The following WDR12 variants were observed in gnomAD, a reference collection of about 807,000 sequenced individuals.
The protein encoded by WDR12 is ribosome biogenesis protein WDR12.
Under a neutral mutation model 64.3 loss-of-function variants are expected in WDR12, and 42 were observed. The observed-to-expected ratio is 0.65, with a 90% CI of 0.51 to 0.84. The LOEUF is 0.84. WDR12 is among the 40% of genes least tolerant of loss of function. The pLI, the probability that WDR12 is intolerant of heterozygous loss-of-function variation, is 0.00. For missense variants in WDR12, 469 were observed against 494.6 expected, an observed-to-expected ratio of 0.95 and a Z score of 0.49; for synonymous variants, 158 against 173.3, an observed-to-expected ratio of 0.91 and a Z score of 0.70.
intron 2 of WDR12, among the ~76,000 whole-genome samples, chr2:202,905,060 T>C (rs1028651549): frequency 1.3e-5 from 2 of 152,182 alleles, no homozygotes; most frequent in African/African-American, 4.8e-5. Flanking sequence ...AACAGGTAAA[T>C]GAAAGGGTGC....
At chr2:202,900,442 G>A (rs1275906236) in intron 3 of WDR12, among the ~76,000 whole-genome samples, 1 of 152,122 alleles carries the variant, frequency 6.6e-6, no homozygotes, top group Non-Finnish European at 1.5e-5. Context: ...CTGGAAAATG[G>A]TGATGGTTGC....
chr2:202,911,575 A>T lies in WDR12; in HGVS notation c.-99T>A. 1 of 1,110,070 alleles carries T rather than the reference A, an allele frequency of 9.0e-7. No homozygotes were observed. Among genetic ancestry groups the T allele is most frequent in the Non-Finnish European group, 1.4e-6 (1 of 723,896 alleles). 68.8% of individuals were successfully genotyped at this position (1,110,070 alleles called of 1,614,324 possible). A position where few individuals can be genotyped will look rare whatever the true frequency, so the allele number is the denominator to read the frequency against. On this transcript the variant is annotated 5_prime_UTR_variant, in exon 1 of 13. Coordinates refer to ENST00000261015, the MANE Select transcript of WDR12 (RefSeq NM_018256.4). ...TAAGACTACAAAGAGGCAGCTCAAA[A>T]TTAGACTGCACAGGTAAGCGAGGAA...
intron 2 of WDR12, among the ~76,000 whole-genome samples, chr2:202,902,891 A>G (rs1688374749): frequency 6.6e-6 from 1 of 152,158 alleles, no homozygotes; most frequent in South Asian, 2.1e-4. Flanking sequence ...CCTGACCAGC[A>G]TGGTGAAACC....
Position 202,880,350 on chromosome 2 carries a change from C to T in WDR12, c.*510G>A, listed in dbSNP as rs936764139. On this transcript the variant is annotated 3_prime_UTR_variant, in exon 13 of 13. Transcript: ENST00000261015. ...ATCACCTGAGGTCAGGAGTTCAAGA[C>T]CAGCCTGGCCAACATGGCAAAACCC... The T allele has an allele frequency of 1.3e-5, 2 of 152,126 alleles. No homozygotes were observed. The highest frequency in any genetic ancestry group is 2.4e-5 in the African/African-American group (1 of 41,394). The allele number at this position is 152,126 out of a possible 1,614,324, so 9.4% of individuals were successfully genotyped here.
rs2105903340 is a variant in WDR12 at position 202,884,543 on chromosome 2, G to C, written c.742-8C>G. On this transcript the variant is annotated splice_region_variant and splice_polypyrimidine_tract_variant and intron_variant, in intron 8 of 12. Coordinates refer to ENST00000261015, the MANE Select transcript of WDR12 (RefSeq NM_018256.4). ...GAGGGTCACTATGGGAGTCTAGAAA[G>C]GAAGAACCCCAAAAGGGGAAAGTGT... is the stretch of plus-strand genomic sequence containing the variant. 1 of 1,599,676 alleles carries C rather than the reference G, an allele frequency of 6.3e-7. No homozygotes were observed. Among genetic ancestry groups the C allele is most frequent in the East Asian group, 2.2e-5 (1 of 44,838 alleles).
At chr2:202,907,035 G>A (rs1168914210) in intron 2 of WDR12, among the ~76,000 whole-genome samples, 4 of 150,664 alleles carry the variant, frequency 2.7e-5, no homozygotes, top group Admixed American at 6.6e-5. Flanking sequence ...TGCAACCTCC[G>A]CCTCCCGGGT....
In WDR12 at chr2:202,899,630, A is replaced by G. The variant is rs558169149; in HGVS notation, c.239T>C (p.Val80Ala). 1.7e-4 allele frequency: 281 copies of G among 1,613,694 alleles called. 1 individual carries two copies. The South Asian group carries it at 2.9e-3, about 17-fold the overall frequency. Residue 80 changes from valine (V) to alanine (A), a missense_variant, in exon 4 of 13, where the codon GTT (valine) becomes GCT (alanine). Physicochemically the swap from Val to Ala is moderately conservative, Grantham distance 64. Coordinates refer to ENST00000261015, the MANE Select transcript of WDR12 (RefSeq NM_018256.4). Reference sequence around the variant, plus strand: ...CTTCTCCACGTATTCTATTTCCACAACTTCTTCCTAATCACAAGAGAAACC... The same window carrying G: ...CTTCTCCACGTATTCTATTTCCACAGCTTCTTCCTAATCACAAGAGAAACC... The part of the protein sequence containing the change: ...MEMENISSEE[V>A]VEIEYVEKYT...
chr2:202,888,372 T>C (rs1688089332), intron 8 of WDR12, among the ~76,000 whole-genome samples: 1 of 152,180 alleles, frequency 6.6e-6, no homozygotes, highest in Admixed American at 6.5e-5. Flanking sequence ...ATCTTGGTTG[T>C]GTAGCAGTTA....
intron 4 of WDR12, among the ~76,000 whole-genome samples, chr2:202,898,012 G>A (rs1169815510): frequency 6.9e-6 from 1 of 145,930 alleles, no homozygotes; most frequent in East Asian, 2.0e-4. Flanking sequence ...TGAATTTCAT[G>A]TTTAGACTTG....
intron 8 of WDR12, among the ~76,000 whole-genome samples, chr2:202,890,785 A>T (rs1183351471): frequency 2.0e-5 from 3 of 150,588 alleles, no homozygotes; most frequent in Middle Eastern, 3.4e-3. Context: ...AAAAAAAAAA[A>T]ATTTTTTTTT....
At chr2:202,904,043 CAGG>C (rs2105911483) in intron 2 of WDR12, among the ~76,000 whole-genome samples, 1 of 141,418 alleles carries the variant, frequency 7.1e-6, no homozygotes, top group South Asian at 2.2e-4. Context: ...GAGGCTGAGG[CAGG>C]AGAATCGCTT....
chr2:202,910,274 G>A (rs1471451909), intron 1 of WDR12, among the ~76,000 whole-genome samples: 1 of 152,162 alleles, frequency 6.6e-6, no homozygotes, highest in Non-Finnish European at 1.5e-5. Flanking sequence ...TGTAATTCCA[G>A]GACTTTGGGA....
At chr2:202,893,314 T>C (rs1688185754) in intron 7 of WDR12, among the ~76,000 whole-genome samples, 1 of 152,150 alleles carries the variant, frequency 6.6e-6, no homozygotes, top group African/African-American at 2.4e-5. Context: ...TAACAAAATA[T>C]GTAAAACATT....
Position 202,884,525 on chromosome 2 carries a change from A to T in WDR12, c.752T>A (p.Val251Glu). ...EQLGLTRTPI[V>E]TLSGHMEAVS... is the part of the protein sequence containing the mutation. ...TGCCTCCATGTGGCCAGAGAGGGTC[A>T]CTATGGGAGTCTAGAAAGGAAGAAC... Residue 251 changes from valine to glutamate, a missense_variant, in exon 9 of 13, where the codon GTG becomes GAG. By Grantham distance (121) the Val-to-Glu change is moderately radical. Transcript: ENST00000261015. 1 of 1,604,592 alleles carries T rather than the reference A, an allele frequency of 6.2e-7. No homozygotes were observed. The highest frequency in any genetic ancestry group is 8.5e-7 in the Non-Finnish European group (1 of 1,177,794).
intron 3 of WDR12, 95 bp from the exon 4 acceptor site, chr2:202,899,732 T>C: frequency 9.1e-7 from 1 of 1,097,242 alleles, no homozygotes; most frequent in Admixed American, 2.1e-5. Context: ...CTCCTTTATA[T>C]CCTTCATATT....
At chr2:202,910,506 G>C (rs1688564139) in intron 1 of WDR12, among the ~76,000 whole-genome samples, 1 of 152,030 alleles carries the variant, frequency 6.6e-6, no homozygotes, top group Non-Finnish European at 1.5e-5. Context: ...CTGGGCAACA[G>C]AGTGAGACTC....
Position 202,894,599 on chromosome 2 carries a change from G to C in WDR12, c.637C>G (p.Leu213Val), listed in dbSNP as rs1451942802. 2.5e-6 allele frequency: 4 copies of C among 1,606,870 alleles called. No individual in the cohort carries two copies. The Admixed American group carries it at 6.8e-5, about 27-fold the overall frequency. The change falls in exon 7 of 13, where the codon CTA becomes GTA. Residue 213 changes from leucine to valine, a missense_variant. Transcript: ENST00000261015. ...AATTTACCTGTAGACCAGATCTTTA[G>C]CATCTTATCCCAGGAGCCACTGCAA... The part of the protein sequence containing the change: ...KFCSGSWDKM[L>V]KIWSTVPTDE...
rs995380283 is a variant in WDR12, at chr2:202,875,181, T to C, written c.*5679A>G. ...ATGAATGACATAATTACATGAATAATAGGATAATTTCTAAAATTCATTTTT... is the reference window on the plus strand; with the variant it reads ...ATGAATGACATAATTACATGAATAACAGGATAATTTCTAAAATTCATTTTT... On this transcript the variant is annotated 3_prime_UTR_variant, in exon 13 of 13. Transcript: ENST00000261015. The C allele has an allele frequency of 1.3e-5, 2 of 152,180 alleles. No individual in the cohort carries two copies. Among genetic ancestry groups the C allele is most frequent in the Non-Finnish European group, 2.9e-5 (2 of 68,016 alleles). 9.4% of individuals were successfully genotyped at this position (152,180 alleles called of 1,614,324 possible).
Position 202,880,835 on chromosome 2 carries a change from T to C in WDR12, c.*25A>G. 6.3e-7 allele frequency: 1 copy of C among 1,592,798 alleles called. No homozygotes were observed. The highest frequency in any genetic ancestry group is 8.6e-7 in the Non-Finnish European group (1 of 1,168,150). On this transcript the variant is annotated 3_prime_UTR_variant, in exon 13 of 13. Coordinates refer to ENST00000261015, the MANE Select transcript of WDR12 (RefSeq NM_018256.4). Reference sequence around the variant, plus strand: ...ACCAATTTCATTTACAGAAATAATCTCTATAGTCAAATTATTGTTCACTTT... The same window carrying C: ...ACCAATTTCATTTACAGAAATAATCCCTATAGTCAAATTATTGTTCACTTT...
Sources: allele counts gnomAD v4.1 joint callset (sites outside exome capture counted in the v4.1 genomes callset), GRCh38; gene constraint gnomAD v4.1.1; transcripts MANE v1.5; gene names NCBI Gene and HGNC (gene_info 2026-07-23, HGNC 2026-07-21).